Variants in COLEC12 observed in about 807,000 individuals in gnomAD.
COLEC12 encodes collectin-12.
In COLEC12, 33 loss-of-function variants were observed where a neutral mutation model predicts 71.1. The observed-to-expected ratio is 0.46, with a 90% CI of 0.35 to 0.62. The LOEUF (loss-of-function observed/expected upper bound fraction) is 0.62, where lower values mean the gene tolerates loss of function less well. Among genes scored for constraint, COLEC12 ranks in the 20% least tolerant of loss-of-function variants. The pLI is 0.00. For missense variants in COLEC12, 765 were observed against 916.1 expected, an observed-to-expected ratio of 0.84 and a Z score of 2.13; for synonymous variants, 350 against 353.0, an observed-to-expected ratio of 0.99 and a Z score of 0.10.
chr18:321,076 T>TG (rs1177746998), intron 9 of COLEC12, among the ~76,000 whole-genome samples: 1 of 152,220 alleles, frequency 6.6e-6, no homozygotes, highest in African/African-American at 2.4e-5. Context: ...TTTTTTGAGA[T>TG]GGAGTTTCGC....
intron 2 of COLEC12, among the ~76,000 whole-genome samples, chr18:463,040 G>A (rs983693407): frequency 6.6e-6 from 1 of 152,192 alleles, no homozygotes; most frequent in African/African-American, 2.4e-5. Flanking sequence ...GGGGGAGTCA[G>A]GGAGAGGGTG....
chr18:416,951 T>TGGA (rs1915998535), intron 2 of COLEC12, among the ~76,000 whole-genome samples: 1 of 151,918 alleles, frequency 6.6e-6, no homozygotes, highest in Non-Finnish European at 1.5e-5. Context: ...GGCAAGGGCA[T>TGGA]GGATGTGTGG....
chr18:355,540 T>G (rs893214791), intron 3 of COLEC12, among the ~76,000 whole-genome samples: 1 of 152,226 alleles, frequency 6.6e-6, no homozygotes, highest in Non-Finnish European at 1.5e-5. Flanking sequence ...TTGACTCTTT[T>G]TGTATAATTC....
chr18:365,047 C>T (rs1181699025), intron 2 of COLEC12, among the ~76,000 whole-genome samples: 2 of 151,986 alleles, frequency 1.3e-5, no homozygotes, highest in South Asian at 2.1e-4. Flanking sequence ...ATCTAGAAAA[C>T]GGACCAGTTA....
At chr18:397,066 T>C (rs1915587252) in intron 2 of COLEC12, among the ~76,000 whole-genome samples, 1 of 152,240 alleles carries the variant, frequency 6.6e-6, no homozygotes, top group African/African-American at 2.4e-5. Context: ...GTTGAGTTTG[T>C]GTCTACTTTC....
Position 347,102 on chromosome 18 carries a change from A to G in COLEC12, c.520T>C (p.Tyr174His), listed in dbSNP as rs201994022. ...ITTVNKTLQA[Y>H]NGYVTNLQQD... ...TGCAGATTCGTGACATAGCCATTAT[A>G]CGCCTGGAGGGTTTTGTTTACAGTG... is the stretch of plus-strand genomic sequence containing the variant. The change falls in exon 5 of 10, where the codon TAT (tyrosine) becomes CAT (histidine). Residue 174 changes from tyrosine (Y) to histidine (H), a missense_variant. Transcript: ENST00000400256. The G allele has an allele frequency of 8.7e-6, 14 of 1,614,054 alleles. No homozygotes were observed. Among genetic ancestry groups the G allele is most frequent in the Non-Finnish European group, 1.1e-5 (13 of 1,180,050 alleles).
intron 2 of COLEC12, among the ~76,000 whole-genome samples, chr18:414,460 T>C (rs1319262862): frequency 1.3e-5 from 2 of 152,002 alleles, no homozygotes; most frequent in Non-Finnish European, 2.9e-5. Flanking sequence ...TAGCTGAGCA[T>C]GGTGGCACAT....
intron 8 of COLEC12, among the ~76,000 whole-genome samples, chr18:326,330 A>T (rs571889007): frequency 2.0e-4 from 30 of 152,156 alleles, no homozygotes; most frequent in African/African-American, 6.7e-4. Flanking sequence ...AACATACTCT[A>T]TATAGTTCTA....
rs1244486711 is a variant in COLEC12, at chr18:362,339, C to A, written c.59-4817G>T. ...TCTTGTTTTCCCCCTCCCCTGACTT[C>A]TTTTTAATAAGAATTCTGTTTTATC... On this transcript the variant is annotated intron_variant, in intron 2 of 9. Transcript: ENST00000400256. The surrounding 1 kb of genome is among the most constrained non-coding windows in gnomAD (Gnocchi z 4.6). Among the ~76,000 whole-genome samples the A allele has an allele frequency of 4.6e-5, 7 of 151,966 alleles. No individual in the cohort carries two copies. The highest frequency in any genetic ancestry group is 2.9e-5 in the Non-Finnish European group (2 of 67,994).
At chr18:479,362 T>C (rs1267965870) in intron 2 of COLEC12, among the ~76,000 whole-genome samples, 2 of 152,124 alleles carry the variant, frequency 1.3e-5, no homozygotes, top group Non-Finnish European at 2.9e-5. Flanking sequence ...TGCATTCCTA[T>C]TTTAAAGTCA....
At chr18:392,544 G>A (rs9964065) in intron 2 of COLEC12, among the ~76,000 whole-genome samples, 2,755 of 152,262 alleles carry the variant, frequency 0.018, 41 homozygotes, top group African/African-American at 0.043. Flanking sequence ...CTCTCTTTTA[G>A]CCCCCATTTC....
intron 1 of COLEC12, among the ~76,000 whole-genome samples, chr18:492,047 A>C (rs996904495): frequency 3.9e-5 from 6 of 152,224 alleles, no homozygotes; most frequent in Non-Finnish European, 7.3e-5. Context: ...TCGGCCTTCC[A>C]TTCAACTGTT....
intron 1 of COLEC12, among the ~76,000 whole-genome samples, chr18:484,099 C>T (rs1917475761): frequency 6.6e-6 from 1 of 152,190 alleles, no homozygotes; most frequent in South Asian, 2.1e-4. Context: ...TGTCTATTCT[C>T]CCCCAAAAGC....
intron 1 of COLEC12, among the ~76,000 whole-genome samples, chr18:495,864 G>C (rs1382665605): frequency 6.6e-6 from 1 of 152,130 alleles, no homozygotes; most frequent in Non-Finnish European, 1.5e-5. Context: ...CCAACTAGCT[G>C]GGTACCCTTA....
chr18:392,079 C>G (rs748598896), intron 2 of COLEC12, among the ~76,000 whole-genome samples: 1 of 152,186 alleles, frequency 6.6e-6, no homozygotes, highest in African/African-American at 2.4e-5. Context: ...TCATGGGATC[C>G]AGGAACCAGA....
chr18:426,047 G>C (rs1315065746), intron 2 of COLEC12, among the ~76,000 whole-genome samples: 1 of 152,216 alleles, frequency 6.6e-6, no homozygotes. Context: ...AGAGGCACAG[G>C]ATGTTAAGTG....
At chr18:445,649 T>TTTTTTTA (rs1916632375) in intron 2 of COLEC12, among the ~76,000 whole-genome samples, 4 of 151,352 alleles carry the variant, frequency 2.6e-5, no homozygotes, top group South Asian at 2.1e-4. Flanking sequence ...TTTTTTTTTT[T>TTTTTTTA]GAGACAAGGT....
At chr18:334,550 C>T (rs925707163) in intron 6 of COLEC12, 192 bp downstream of exon 6, 5 of 408,724 alleles carry the variant, frequency 1.2e-5, no homozygotes, top group East Asian at 1.1e-4. Context: ...ATCACTTGAA[C>T]CCGGGATGTG....
chr18:349,070 G>T (rs1914448480), intron 3 of COLEC12, among the ~76,000 whole-genome samples: 1 of 152,160 alleles, frequency 6.6e-6, no homozygotes, highest in South Asian at 2.1e-4. Flanking sequence ...ATTTTCTCTT[G>T]CCGTCCCAAA....
Sources: gnomAD v4.1 joint callset for allele counts (sites outside exome capture counted in the v4.1 genomes callset) on GRCh38, gnomAD v4.1.1 for gene constraint, Gnocchi (gnomAD v3.1) non-coding constraint, MANE v1.5 for transcripts, NCBI Gene and HGNC (gene_info 2026-07-23, HGNC 2026-07-21) for gene names.